Variants in CHRM3 observed in about 807,000 individuals in gnomAD.
The protein encoded by CHRM3 is cholinergic receptor muscarinic 3, also known as muscarinic acetylcholine receptor M3.
CHRM3 carries 11 observed loss-of-function variants against 41.8 expected under a neutral mutation model. The ratio of observed to expected loss-of-function variants is 0.26; its 90% CI spans 0.17 to 0.44. The LOEUF is 0.44. CHRM3 is among the 20% of genes least tolerant of loss of function. The probability of loss-of-function intolerance (pLI) is 1.00; values close to 1 mark genes in which losing one functional copy is unlikely to be tolerated. For synonymous variants in CHRM3, 297 were observed against 301.4 expected (o/e 0.99, Z 0.15); for missense variants, 571 against 745.4 (o/e 0.77, Z 2.72).
chr1:239,491,220 T>G (rs1382815152), intron 1 of CHRM3, among the ~76,000 whole-genome samples: 1 of 152,320 alleles, frequency 6.6e-6, no homozygotes, highest in Non-Finnish European at 1.5e-5. Context: ...CTCTTCTAGC[T>G]ATGTAAAAAT....
chr1:239,859,829 A>ATATT lies in CHRM3; in HGVS notation c.-20+32454_-20+32455insTTAT, dbSNP rs1431874027. ...TAAGTTCTAAGTGTTTTATATATATATATATATATATATATATATATAGTC... is the reference window on the plus strand; with the variant it reads ...TAAGTTCTAAGTGTTTTATATATATATATTTATATATATATATATATATATAGTC... On this transcript the variant is annotated intron_variant, in intron 6 of 6. Transcript: ENST00000676153. Among the ~76,000 whole-genome samples, 249 of 41,304 alleles carry ATATT rather than the reference A, an allele frequency of 6.0e-3. 3 individuals carry two copies. The highest frequency in any genetic ancestry group is 9.7e-3 in the African/African-American group (223 of 23,008). 27.1% of individuals were successfully genotyped at this position (41,304 alleles called of 152,430 possible).
intron 4 of CHRM3, among the ~76,000 whole-genome samples, chr1:239,676,040 C>T (rs543235240): frequency 8.5e-5 from 13 of 152,244 alleles, no homozygotes; most frequent in South Asian, 6.2e-4. Context: ...CTGCTTTCCC[C>T]GCATATCCAT....
At chr1:239,798,326 G>C (rs1669957832) in intron 5 of CHRM3, among the ~76,000 whole-genome samples, 1 of 152,114 alleles carries the variant, frequency 6.6e-6, no homozygotes, top group African/African-American at 2.4e-5. Flanking sequence ...TTATATGTGG[G>C]TTTTCGATTG....
intron 2 of CHRM3, among the ~76,000 whole-genome samples, chr1:239,495,945 G>T (rs1045051274): frequency 1.3e-5 from 2 of 152,004 alleles, no homozygotes; most frequent in Non-Finnish European, 2.9e-5. Context: ...GGGGCAAAGG[G>T]GTAGAAAGCA....
At chr1:239,671,391 C>T (rs908968235) in intron 4 of CHRM3, among the ~76,000 whole-genome samples, 3 of 152,186 alleles carry the variant, frequency 2.0e-5, no homozygotes, top group Non-Finnish European at 4.4e-5. Flanking sequence ...GCTTGGTCCA[C>T]AGAGGAAGAC....
At chr1:239,468,512 A>G (rs988319778) in intron 1 of CHRM3, among the ~76,000 whole-genome samples, 1 of 152,202 alleles carries the variant, frequency 6.6e-6, no homozygotes. Flanking sequence ...TGCCAATCCT[A>G]TATGAATGAA....
At chr1:239,455,905 C>T (rs1255321039) in intron 1 of CHRM3, among the ~76,000 whole-genome samples, 1 of 152,160 alleles carries the variant, frequency 6.6e-6, no homozygotes, top group African/African-American at 2.4e-5. Context: ...TACCAAAACA[C>T]CAGTCACTGG....
intron 2 of CHRM3, among the ~76,000 whole-genome samples, chr1:239,525,312 C>T (rs946634255): frequency 3.3e-5 from 5 of 151,696 alleles, no homozygotes; most frequent in African/African-American, 1.2e-4. Context: ...GCTCTCCAGC[C>T]CTGGTGACAG....
intron 2 of CHRM3, among the ~76,000 whole-genome samples, chr1:239,518,191 C>G (rs1033147593): frequency 3.9e-5 from 6 of 152,192 alleles, no homozygotes; most frequent in Non-Finnish European, 8.8e-5. Context: ...CGAGGAAAGA[C>G]TAAGTTACTC....
intron 1 of CHRM3, among the ~76,000 whole-genome samples, chr1:239,445,125 A>G (rs1260506978): frequency 6.6e-6 from 1 of 152,240 alleles, no homozygotes; most frequent in Non-Finnish European, 1.5e-5. Flanking sequence ...AATTTGAACC[A>G]TGCACATGTG....
At chr1:239,650,073 ACT>A (rs1235254883) in intron 4 of CHRM3, among the ~76,000 whole-genome samples, 1 of 151,970 alleles carries the variant, frequency 6.6e-6, no homozygotes, top group Non-Finnish European at 1.5e-5. Flanking sequence ...CAGCTGTGGG[ACT>A]CTCATCAGGT....
intron 3 of CHRM3, among the ~76,000 whole-genome samples, chr1:239,565,094 G>A (rs548189874): frequency 1.3e-5 from 2 of 152,208 alleles, no homozygotes; most frequent in Admixed American, 1.3e-4. Context: ...CCTATGGGGC[G>A]GGGTCAGATC....
intron 1 of CHRM3, among the ~76,000 whole-genome samples, chr1:239,404,413 A>AAGAAAGAAAGAGAAAGAAAGAAAGAAG (rs1558195765): frequency 2.1e-5 from 1 of 48,650 alleles, no homozygotes; most frequent in Admixed American, 2.5e-4. Context: ...AGAAAGAAAA[A>AAGAAAGAAAGAGAAAGAAAGAAAGAAG]GAAAGAAAGA....
At chr1:239,862,286 A>G (rs1675703753) in intron 6 of CHRM3, among the ~76,000 whole-genome samples, 1 of 152,216 alleles carries the variant, frequency 6.6e-6, no homozygotes, top group African/African-American at 2.4e-5. Context: ...AGTCTAGTTT[A>G]TTGGAAAGGA....
chr1:239,689,315 G>T (rs1659481851), intron 5 of CHRM3, among the ~76,000 whole-genome samples: 1 of 151,894 alleles, frequency 6.6e-6, no homozygotes, highest in Non-Finnish European at 1.5e-5. Flanking sequence ...AATGTAAGAT[G>T]CAGGAGGATA....
chr1:239,723,808 C>T (rs1320982384), intron 5 of CHRM3, among the ~76,000 whole-genome samples: 1 of 151,790 alleles, frequency 6.6e-6, no homozygotes, highest in Non-Finnish European at 1.5e-5. Flanking sequence ...ACCATTTAGC[C>T]TCTTGGGATT....
chr1:239,558,823 T>C (rs906289843), intron 3 of CHRM3, among the ~76,000 whole-genome samples: 1 of 152,230 alleles, frequency 6.6e-6, no homozygotes, highest in South Asian at 2.1e-4. Context: ...CTTTATTTAC[T>C]AAGTATTTAG....
At chr1:239,557,286 T>C (rs1420103689) in intron 3 of CHRM3, among the ~76,000 whole-genome samples, 1 of 152,192 alleles carries the variant, frequency 6.6e-6, no homozygotes, top group Non-Finnish European at 1.5e-5. Context: ...TGCCTTGCCA[T>C]GACTACTATG....
At chr1:239,506,095 A>G (rs1406227394) in intron 2 of CHRM3, among the ~76,000 whole-genome samples, 1 of 152,186 alleles carries the variant, frequency 6.6e-6, no homozygotes, top group Non-Finnish European at 1.5e-5. Flanking sequence ...GAAACAGAGC[A>G]TAAAAGTTTG....
Sources: allele counts gnomAD v4.1 joint callset (sites outside exome capture counted in the v4.1 genomes callset), GRCh38; gene constraint gnomAD v4.1.1; transcripts MANE v1.5; gene names NCBI Gene and HGNC (gene_info 2026-07-23, HGNC 2026-07-21).